The following CNTN6 variants were observed in gnomAD, a reference collection of about 807,000 sequenced individuals.
CNTN6 encodes the protein contactin-6.
Under a neutral mutation model 122.8 loss-of-function variants are expected in CNTN6, and 137 were observed. The observed-to-expected ratio is 1.12, with a 90% confidence interval of 0.97 to 1.29. The LOEUF (loss-of-function observed/expected upper bound fraction) is 1.29. Among genes scored for constraint, CNTN6 ranks in the 50% most tolerant of loss-of-function variants. The pLI is 0.00. For missense variants in CNTN6, 1,634 were observed against 1,223.4 expected, an observed-to-expected ratio of 1.34 and a Z score of -5.01; for synonymous variants, 570 against 426.0, an observed-to-expected ratio of 1.34 and a Z score of -4.16.
At chr3:1,376,262 C>A (rs1709847958) in intron 16 of CNTN6, among the ~76,000 whole-genome samples, 1 of 152,088 alleles carries the variant, frequency 6.6e-6, no homozygotes, top group South Asian at 2.1e-4. Flanking sequence ...CTCAGTTTTA[C>A]AGTTTCTATG....
At chr3:1,174,881 G>C (rs191571214) in intron 2 of CNTN6, among the ~76,000 whole-genome samples, 1 of 152,144 alleles carries the variant, frequency 6.6e-6, no homozygotes, top group Admixed American at 6.5e-5. Flanking sequence ...ATATGCATGC[G>C]CCCACACACG....
chr3:1,289,700 A>G (rs537226325), intron 5 of CNTN6, among the ~76,000 whole-genome samples: 2 of 139,244 alleles, frequency 1.4e-5, no homozygotes, highest in Admixed American at 1.5e-4. Flanking sequence ...TTTGAGACAG[A>G]GTCTCGCTCT....
At chr3:1,334,243 T>C (rs998951783) in intron 11 of CNTN6, among the ~76,000 whole-genome samples, 14 of 152,242 alleles carry the variant, frequency 9.2e-5, no homozygotes, top group Admixed American at 9.2e-4. Flanking sequence ...AGCACTTATA[T>C]TGAAGAGAAG....
intron 2 of CNTN6, among the ~76,000 whole-genome samples, chr3:1,208,309 C>T (rs145632505): frequency 1.3e-5 from 2 of 152,158 alleles, no homozygotes; most frequent in African/African-American, 4.8e-5. Context: ...CATGACTCTC[C>T]TACCTTCCAG....
Position 1,245,317 on chromosome 3 carries a change from T to TAC in CNTN6, c.358+17325_358+17326insCA, listed in dbSNP as rs1334590220. ...TAACATATATATATATATATATATA[T>TAC]ATATATATATATATATATAGCATGG... On this transcript the variant is annotated intron_variant, in intron 4 of 22. Coordinates refer to ENST00000446702, the MANE Select transcript of CNTN6 (RefSeq NM_001289080.2). Among the ~76,000 whole-genome samples, 2 of 25,238 alleles carry TAC rather than the reference T, an allele frequency of 7.9e-5. 1 individual carries two copies. Among genetic ancestry groups the TAC allele is most frequent in the Non-Finnish European group, 1.5e-4 (2 of 13,258 alleles). The allele number at this position is 25,238 out of a possible 152,430, so 16.6% of individuals were successfully genotyped here. A position where few individuals can be genotyped will look rare whatever the true frequency, so the allele number is the denominator to read the frequency against.
intron 7 of CNTN6, among the ~76,000 whole-genome samples, chr3:1,315,582 A>G (rs559941842): frequency 2.6e-5 from 4 of 152,164 alleles, no homozygotes; most frequent in South Asian, 2.1e-4. Flanking sequence ...TGCCTGGTAC[A>G]TAGTAAGCAC....
chr3:1,261,231 A>G (rs1238256817), intron 4 of CNTN6, among the ~76,000 whole-genome samples: 3 of 152,212 alleles, frequency 2.0e-5, no homozygotes, highest in Non-Finnish European at 4.4e-5. Flanking sequence ...CTGTGAAAGC[A>G]GATCTCATGG....
intron 4 of CNTN6, among the ~76,000 whole-genome samples, chr3:1,245,305 T>TATATAAC (rs1553639254): frequency 1.9e-4 from 2 of 10,606 alleles, no homozygotes; most frequent in Non-Finnish European, 3.5e-4. Context: ...CATATATATA[T>TATATAAC]ATATATATAT....
chr3:1,218,356 C>T (rs73002316), intron 2 of CNTN6, among the ~76,000 whole-genome samples: 15,122 of 151,946 alleles, frequency 0.1, 798 homozygotes, highest in African/African-American at 0.13. Context: ...TGTGAGAAAG[C>T]GAGAAAGCTA....
chr3:1,298,880 G>A (rs921908046), intron 7 of CNTN6, among the ~76,000 whole-genome samples: 1 of 152,072 alleles, frequency 6.6e-6, no homozygotes, highest in Non-Finnish European at 1.5e-5. Context: ...AGCTCGGAGG[G>A]CTTACCTCTA....
chr3:1,136,394 G>A (rs1249766681), intron 1 of CNTN6, among the ~76,000 whole-genome samples: 1 of 152,092 alleles, frequency 6.6e-6, no homozygotes, highest in Non-Finnish European at 1.5e-5. Context: ...TGTTGGAAAA[G>A]CACTACAGAA....
At chr3:1,298,023 G>A (rs541974646) in intron 7 of CNTN6, 32 bp downstream of exon 7, 5 of 1,497,852 alleles carry the variant, frequency 3.3e-6, no homozygotes, top group African/African-American at 2.8e-5. Flanking sequence ...TTGTTTTCCT[G>A]GTTGCATTAA....
At chr3:1,262,607 T>C (rs1399692084) in intron 4 of CNTN6, among the ~76,000 whole-genome samples, 1 of 151,712 alleles carries the variant, frequency 6.6e-6, no homozygotes, top group Non-Finnish European at 1.5e-5. Flanking sequence ...CAATAATCAT[T>C]GTAGCAGAAA....
chr3:1,392,568 A>C (rs879298877), intron 20 of CNTN6, among the ~76,000 whole-genome samples: 2,440 of 148,106 alleles, frequency 0.016, 33 homozygotes, highest in Non-Finnish European at 0.026. Context: ...GATCTAATTA[A>C]ACTAAAGAGC....
At chr3:1,268,561 T>G (rs187337327) in intron 4 of CNTN6, among the ~76,000 whole-genome samples, 4,145 of 137,096 alleles carry the variant, frequency 0.03, 278 homozygotes, top group African/African-American at 0.11. Context: ...GAGCCGAGAT[T>G]GAGCCACTGC....
intron 11 of CNTN6, among the ~76,000 whole-genome samples, chr3:1,351,183 G>A (rs1025548930): frequency 2.6e-5 from 4 of 151,830 alleles, no homozygotes; most frequent in African/African-American, 7.2e-5. Context: ...GCAAATTGTC[G>A]TTGGCTGGTA....
At chr3:1,389,823 A>AT (rs1693825106) in intron 20 of CNTN6, among the ~76,000 whole-genome samples, 1 of 151,506 alleles carries the variant, frequency 6.6e-6, no homozygotes, top group Non-Finnish European at 1.5e-5. Context: ...AGGCCATTAC[A>AT]TAATGGTAAA....
rs531425311 is a variant in CNTN6, at chr3:1,114,734, A to AT, written c.-83+21622dup. Reference sequence around the variant, plus strand: ...TAGTCTCAAGACATTGAGCAAAGACATTTTTTTTGCTCTGGTCATCCCATA... The same window carrying AT: ...TAGTCTCAAGACATTGAGCAAAGACATTTTTTTTTGCTCTGGTCATCCCATA... On this transcript the variant is annotated intron_variant, in intron 1 of 22. Coordinates refer to ENST00000446702, the MANE Select transcript of CNTN6 (RefSeq NM_001289080.2). 3.0e-4 allele frequency among the ~76,000 whole-genome samples: 46 copies of AT among 152,140 alleles called. No homozygotes were observed. The East Asian group carries it at 6.6e-3, about 22-fold the overall frequency.
intron 10 of CNTN6, among the ~76,000 whole-genome samples, chr3:1,328,789 G>A (rs1275813749): frequency 1.3e-5 from 2 of 151,648 alleles, no homozygotes; most frequent in Non-Finnish European, 2.9e-5. Context: ...GTTCACTTGA[G>A]CTTTAGATTA....
Sources: gnomAD v4.1 joint callset for allele counts (sites outside exome capture counted in the v4.1 genomes callset) on GRCh38, gnomAD v4.1.1 for gene constraint, MANE v1.5 for transcripts, NCBI Gene and HGNC (gene_info 2026-07-23, HGNC 2026-07-21) for gene names.